The following HS3ST5 variants were observed in gnomAD, a reference collection of about 807,000 sequenced individuals.
HS3ST5 encodes heparan sulfate glucosamine 3-O-sulfotransferase 5.
A neutral mutation model predicts 25.4 loss-of-function variants in HS3ST5; 10 were observed. The observed-to-expected ratio is 0.39, with a 90% confidence interval of 0.24 to 0.67. HS3ST5 has a LOEUF of 0.67. Among genes scored for constraint, HS3ST5 ranks in the 30% least tolerant of loss-of-function variants. HS3ST5 has a pLI of 0.44. For synonymous variants in HS3ST5, 170 were observed against 162.4 expected (o/e 1.05, Z -0.36); for missense variants, 324 against 420.7 (o/e 0.77, Z 2.01).
At chr6:114,123,367 T>G (rs1033076899) in intron 3 of HS3ST5, among the ~76,000 whole-genome samples, 49 of 152,310 alleles carry the variant, frequency 3.2e-4, no homozygotes, top group Non-Finnish European at 3.7e-4. Flanking sequence ...CAACACTAAA[T>G]CGCTTGAGGT....
At chr6:114,191,411 T>C (rs1449663379) in intron 2 of HS3ST5, among the ~76,000 whole-genome samples, 1 of 152,216 alleles carries the variant, frequency 6.6e-6, no homozygotes, top group Non-Finnish European at 1.5e-5. Flanking sequence ...GCTTGCTTTA[T>C]TAGAGAAATA....
intron 3 of HS3ST5, among the ~76,000 whole-genome samples, chr6:114,130,191 C>T (rs1241398034): frequency 2.0e-5 from 3 of 152,102 alleles, no homozygotes; most frequent in Non-Finnish European, 4.4e-5. Context: ...AAATTAATTC[C>T]GTGGTTAAAC....
At chr6:114,283,042 T>G (rs1385088136) in intron 1 of HS3ST5, among the ~76,000 whole-genome samples, 1 of 151,988 alleles carries the variant, frequency 6.6e-6, no homozygotes, top group Non-Finnish European at 1.5e-5. Flanking sequence ...AATAAGAGAA[T>G]TCTTGATATT....
At chr6:114,218,519 TC>T (rs1305430850) in intron 2 of HS3ST5, among the ~76,000 whole-genome samples, 1 of 152,234 alleles carries the variant, frequency 6.6e-6, no homozygotes, top group African/African-American at 2.4e-5. Context: ...AAATTTTGCT[TC>T]TTTTGGAAAA....
intron 3 of HS3ST5, among the ~76,000 whole-genome samples, chr6:114,087,557 G>C (rs1774901530): frequency 6.6e-6 from 1 of 152,174 alleles, no homozygotes; most frequent in African/African-American, 2.4e-5. Flanking sequence ...TTTGATCCTT[G>C]TTTGTGGAAT....
intron 1 of HS3ST5, among the ~76,000 whole-genome samples, chr6:114,287,933 A>G (rs1261996603): frequency 1.3e-5 from 2 of 152,052 alleles, no homozygotes; most frequent in Admixed American, 1.3e-4. Context: ...CTAGAAACTT[A>G]AGAGGGAATC....
intron 2 of HS3ST5, among the ~76,000 whole-genome samples, chr6:114,186,421 A>T (rs141796372): frequency 4.3e-3 from 657 of 152,310 alleles, no homozygotes; most frequent in Non-Finnish European, 7.3e-3. Context: ...TTTAGTCAGG[A>T]GAGAAGATCA....
intron 1 of HS3ST5, among the ~76,000 whole-genome samples, chr6:114,242,862 A>AT (rs1303363973): frequency 1.3e-5 from 2 of 150,386 alleles, no homozygotes; most frequent in African/African-American, 2.4e-5. Flanking sequence ...TCCGTCTCAA[A>AT]AAAAAAAAAA....
At chr6:114,238,271 G>A (rs541552838) in intron 1 of HS3ST5, among the ~76,000 whole-genome samples, 1 of 152,278 alleles carries the variant, frequency 6.6e-6, no homozygotes, top group East Asian at 1.9e-4. Context: ...CTTTTCTACA[G>A]AAAGGTCCAG....
chr6:114,146,556 G>A (rs1449957713), intron 3 of HS3ST5, among the ~76,000 whole-genome samples: 1 of 152,168 alleles, frequency 6.6e-6, no homozygotes, highest in Non-Finnish European at 1.5e-5. Flanking sequence ...TCTAAGCAGA[G>A]GGCATCAACC....
chr6:114,245,468 A>G (rs1292918128), intron 1 of HS3ST5, among the ~76,000 whole-genome samples: 1 of 152,114 alleles, frequency 6.6e-6, no homozygotes, highest in Non-Finnish European at 1.5e-5. Context: ...GTATGTGGCC[A>G]GCCTACTTGC....
At chr6:114,264,047 T>C (rs1295491016) in intron 1 of HS3ST5, among the ~76,000 whole-genome samples, 1 of 152,218 alleles carries the variant, frequency 6.6e-6, no homozygotes, top group Non-Finnish European at 1.5e-5. Context: ...TTTCTAGGTG[T>C]GTCTAAACAA....
At chr6:114,129,544 CGCGCCCAG>C (rs1168068839) in intron 3 of HS3ST5, among the ~76,000 whole-genome samples, 2 of 152,184 alleles carry the variant, frequency 1.3e-5, no homozygotes, top group Non-Finnish European at 2.9e-5. Context: ...TGTGAGCCAC[CGCGCCCAG>C]CCAAGAATCT....
intron 1 of HS3ST5, among the ~76,000 whole-genome samples, chr6:114,306,487 A>C (rs1775304352): frequency 6.6e-6 from 1 of 151,682 alleles, no homozygotes; most frequent in Non-Finnish European, 1.5e-5. Flanking sequence ...TTGAATTATA[A>C]CATTACTAAA....
In HS3ST5 at chr6:114,160,476, C is replaced by T. The variant is rs192785732; in HGVS notation, c.-33+7875G>A. ...GAATTAGAAATTCCCCCTCCCCCAA[C>T]TACATTTAGAGAAAATATTGAGACA... On this transcript the variant is annotated intron_variant, in intron 3 of 4. Transcript: ENST00000312719. Among the ~76,000 whole-genome samples, 35 of 152,216 alleles carry T rather than the reference C, an allele frequency of 2.3e-4. No homozygotes were observed. The East Asian group carries it at 6.4e-3, about 28-fold the overall frequency.
At chr6:114,287,989 T>C (rs1297911567) in intron 1 of HS3ST5, among the ~76,000 whole-genome samples, 1 of 152,020 alleles carries the variant, frequency 6.6e-6, no homozygotes, top group East Asian at 1.9e-4. Flanking sequence ...TGTGAAGATG[T>C]TATTTTACCA....
chr6:114,268,218 T>G (rs1174737781), intron 1 of HS3ST5, among the ~76,000 whole-genome samples: 2 of 152,186 alleles, frequency 1.3e-5, no homozygotes, highest in Non-Finnish European at 2.9e-5. Flanking sequence ...TCCTCCACAA[T>G]GCAGTGTAGA....
chr6:114,310,177 T>C (rs1406241881), intron 1 of HS3ST5, among the ~76,000 whole-genome samples: 2 of 152,168 alleles, frequency 1.3e-5, no homozygotes, highest in Non-Finnish European at 2.9e-5. Flanking sequence ...AATTCTCCTA[T>C]CTGAAATATC....
At chr6:114,136,459 C>T (rs1777619284) in intron 3 of HS3ST5, among the ~76,000 whole-genome samples, 1 of 152,186 alleles carries the variant, frequency 6.6e-6, no homozygotes, top group African/African-American at 2.4e-5. Flanking sequence ...TCAATTAAAC[C>T]TCTTTCCTTT....
Sources: gnomAD v4.1 joint callset for allele counts (sites outside exome capture counted in the v4.1 genomes callset) on GRCh38, gnomAD v4.1.1 for gene constraint, MANE v1.5 for transcripts, NCBI Gene and HGNC (gene_info 2026-07-23, HGNC 2026-07-21) for gene names.